Variants in MAN2A1 observed in about 807,000 individuals in gnomAD.
The protein encoded by MAN2A1 is mannosidase alpha class 2A member 1, also known as alpha-mannosidase 2.
MAN2A1 carries 76 observed loss-of-function variants against 142.6 expected under a neutral mutation model. The ratio of observed to expected loss-of-function variants is 0.53; its 90% confidence interval spans 0.44 to 0.65. The LOEUF is 0.65. Among genes scored for constraint, MAN2A1 ranks in the 30% least tolerant of loss-of-function variants. The pLI, the probability that MAN2A1 is intolerant of heterozygous loss-of-function variation, is 0.00. For synonymous variants in MAN2A1, 559 were observed against 473.2 expected, an observed-to-expected ratio of 1.18 and a Z score of -2.35; for missense variants, 1,311 against 1,365.1, an observed-to-expected ratio of 0.96 and a Z score of 0.62.
In MAN2A1 at chr5:109,779,557, A is replaced by G. The variant is rs746529486; in HGVS notation, c.1375-1839A>G. Among the ~76,000 whole-genome samples, 8 of 95,930 alleles carry G rather than the reference A, an allele frequency of 8.3e-5. No homozygotes were observed. In the South Asian group the frequency reaches 9.8e-4, roughly 12 times the overall value. 62.9% of individuals were successfully genotyped at this position (95,930 alleles called of 152,430 possible). A position where few individuals can be genotyped will look rare whatever the true frequency, so the allele number is the denominator to read the frequency against. The stretch of plus-strand genomic sequence containing the variant: ...TCATTTCTTTTATGGTTACACACAC[A>G]CACGCGTGCACACACACACACACAC... On this transcript the variant is annotated intron_variant, in intron 8 of 21. Coordinates refer to ENST00000261483, the MANE Select transcript of MAN2A1 (RefSeq NM_002372.4).
intron 15 of MAN2A1, among the ~76,000 whole-genome samples, chr5:109,820,794 A>T (rs1170703071): frequency 6.6e-6 from 1 of 152,104 alleles, no homozygotes; most frequent in Non-Finnish European, 1.5e-5. Context: ...ACGGAGCAAG[A>T]CCCCGTTAGA....
At chr5:109,728,245 T>C (rs966843095) in intron 3 of MAN2A1, among the ~76,000 whole-genome samples, 1 of 152,132 alleles carries the variant, frequency 6.6e-6, no homozygotes, top group Admixed American at 6.6e-5. Flanking sequence ...CTGGCAGGCT[T>C]TTATTTTTTA....
intron 9 of MAN2A1, among the ~76,000 whole-genome samples, chr5:109,781,868 T>C (rs756655983): frequency 2.0e-5 from 3 of 152,228 alleles, no homozygotes; most frequent in Non-Finnish European, 2.9e-5. Flanking sequence ...TTTTGTATTT[T>C]TCTAATTAAT....
chr5:109,832,817 G>A (rs2112744381), intron 16 of MAN2A1, among the ~76,000 whole-genome samples: 1 of 151,682 alleles, frequency 6.6e-6, no homozygotes, highest in South Asian at 2.1e-4. Flanking sequence ...GGTGGGGGCT[G>A]TCCCCCACCT....
At chr5:109,820,743 C>T (rs554337065) in intron 15 of MAN2A1, among the ~76,000 whole-genome samples, 2 of 152,140 alleles carry the variant, frequency 1.3e-5, no homozygotes, top group African/African-American at 4.8e-5. Context: ...AAGGCAGTTG[C>T]AGTGAGCCAA....
chr5:109,718,959 G>C (rs1751529116), intron 3 of MAN2A1, among the ~76,000 whole-genome samples: 1 of 131,792 alleles, frequency 7.6e-6, no homozygotes, highest in Non-Finnish European at 1.6e-5. Context: ...CTTCCTGATG[G>C]CTACTTATTT....
chr5:109,842,812 T>G (rs1212856287), intron 17 of MAN2A1, among the ~76,000 whole-genome samples: 1 of 144,962 alleles, frequency 6.9e-6, no homozygotes, highest in Admixed American at 6.8e-5. Context: ...TTGGGTTTTT[T>G]TTTTTTTTTT....
chr5:109,707,054 A>G (rs1487761443), intron 1 of MAN2A1, among the ~76,000 whole-genome samples: 2 of 152,198 alleles, frequency 1.3e-5, no homozygotes, highest in Non-Finnish European at 2.9e-5. Context: ...GAAAATGGAA[A>G]ACTTTTGATT....
rs757140700 is a variant in MAN2A1, at chr5:109,819,696, T to C, written c.2137T>C (p.Leu713=). ...CTCTTTTCGAGCACATATACCGCCA[T>C]TGGGACTGAAAGTGTATAAGATTTT... ...EISFRAHIPP[L]GLKVYKILES... Residue 713 remains leucine (L), a synonymous_variant, in exon 14 of 22, where the codon TTG becomes CTG. Coordinates refer to ENST00000261483, the MANE Select transcript of MAN2A1 (RefSeq NM_002372.4). 48 of 1,607,414 alleles carry C rather than the reference T, an allele frequency of 3.0e-5. 1 individual carries two copies. Among genetic ancestry groups the C allele is most frequent in the African/African-American group, 4.0e-5 (3 of 74,566 alleles).
chr5:109,848,371 C>T (rs777689109), intron 19 of MAN2A1, among the ~76,000 whole-genome samples: 1 of 152,128 alleles, frequency 6.6e-6, no homozygotes, highest in Admixed American at 6.6e-5. Flanking sequence ...CAGAGTTCTC[C>T]GTAAGTTATT....
At chr5:109,830,092 C>T (rs1215878269) in intron 16 of MAN2A1, among the ~76,000 whole-genome samples, 1 of 152,146 alleles carries the variant, frequency 6.6e-6, no homozygotes, top group Non-Finnish European at 1.5e-5. Context: ...AAGTCTCACC[C>T]TTCTTAGTGC....
intron 16 of MAN2A1, among the ~76,000 whole-genome samples, chr5:109,834,258 G>A (rs1000534592): frequency 6.6e-6 from 1 of 152,090 alleles, no homozygotes; most frequent in East Asian, 1.9e-4. Flanking sequence ...CCTGGGACAC[G>A]GGGAAGGCAC....
intron 4 of MAN2A1, 82 bp from the exon 5 acceptor site, chr5:109,755,247 C>A (rs1035091931): frequency 3.7e-5 from 41 of 1,094,190 alleles, no homozygotes; most frequent in Middle Eastern, 4.7e-4. Flanking sequence ...AAAGGCTGTT[C>A]TTAATGTTTA....
intron 16 of MAN2A1, among the ~76,000 whole-genome samples, chr5:109,828,293 AATC>A (rs1209419563): frequency 2.6e-5 from 4 of 152,170 alleles, no homozygotes; most frequent in Admixed American, 6.5e-5. Flanking sequence ...CTTGCAGTAT[AATC>A]ATCTTTCATT....
chr5:109,846,062 C>G, intron 18 of MAN2A1, 56 bp downstream of exon 18: 1 of 1,478,520 alleles, frequency 6.8e-7, no homozygotes. Context: ...CAACTGTATA[C>G]TTTTTCTGTT....
At chr5:109,746,848 C>T (rs1173564010) in intron 4 of MAN2A1, among the ~76,000 whole-genome samples, 5 of 152,130 alleles carry the variant, frequency 3.3e-5, no homozygotes, top group African/African-American at 4.8e-5. Context: ...GCCTTATGTA[C>T]GTAGAATCAT....
intron 16 of MAN2A1, 36 bp from the exon 17 acceptor site, chr5:109,842,289 TTTC>T: frequency 7.4e-7 from 1 of 1,352,850 alleles, no homozygotes. Flanking sequence ...AGGCAAGTAA[TTTC>T]TTTCTATTAA....
intron 16 of MAN2A1, among the ~76,000 whole-genome samples, chr5:109,839,908 G>A (rs1292290592): frequency 1.3e-5 from 2 of 151,292 alleles, no homozygotes; most frequent in African/African-American, 4.9e-5. Context: ...TAAATCTATG[G>A]TGCCTACACT....
Position 109,751,983 on chromosome 5 carries a change from CTG to C in MAN2A1, c.708-3344_708-3343del, listed in dbSNP as rs1025172608. Among the ~76,000 whole-genome samples, 206 of 152,218 alleles carry C rather than the reference CTG, an allele frequency of 1.4e-3. 2 individuals carry two copies. The highest frequency in any genetic ancestry group is 4.7e-3 in the African/African-American group (196 of 41,532). On this transcript the variant is annotated intron_variant, in intron 4 of 21. Transcript: ENST00000261483. ...CACTTAACTCCTTTTGGATGTCACACTGTCATCAAAAAGCCCTGTCCAAATTT... is the reference window on the plus strand; with the variant it reads ...CACTTAACTCCTTTTGGATGTCACACTCATCAAAAAGCCCTGTCCAAATTT...
Sources: gnomAD v4.1 joint callset for allele counts (sites outside exome capture counted in the v4.1 genomes callset) on GRCh38, gnomAD v4.1.1 for gene constraint, MANE v1.5 for transcripts, NCBI Gene and HGNC (gene_info 2026-07-23, HGNC 2026-07-21) for gene names.